Variants in FAM149A observed in about 807,000 individuals in gnomAD.
FAM149A encodes the protein protein FAM149A.
In FAM149A, 71 loss-of-function variants were observed where a neutral mutation model predicts 78.2. That is an observed-to-expected ratio of 0.91 (90% CI 0.75 to 1.11). The LOEUF (loss-of-function observed/expected upper bound fraction) is 1.11, where lower values mean the gene tolerates loss of function less well. Among genes scored for constraint, FAM149A ranks in the 50% least tolerant of loss-of-function variants. The probability of loss-of-function intolerance (pLI) is 0.00; values close to 1 mark genes in which losing one functional copy is unlikely to be tolerated. For missense variants in FAM149A, 1,036 were observed against 971.0 expected, an observed-to-expected ratio of 1.07 and a Z score of -0.89; for synonymous variants, 446 against 410.5, an observed-to-expected ratio of 1.09 and a Z score of -1.04.
rs1221570998 is a variant in FAM149A, at chr4:186,109,312, T to G, written c.566+3670T>G. ...GTTATTAGCAAGCATATATTCACTC[T>G]TTTTTTTTTTGAGTGATTGAGTTCC... On this transcript the variant is annotated intron_variant, in intron 1 of 13. Transcript: ENST00000389354. 9 of 369,580 alleles carry G rather than the reference T, an allele frequency of 2.4e-5. No individual in the cohort carries two copies. The East Asian group carries it at 3.2e-3, about 133-fold the overall frequency. 22.9% of individuals were successfully genotyped at this position (369,580 alleles called of 1,614,324 possible).
In FAM149A at chr4:186,138,246, T is replaced by A. The variant is rs555489488; in HGVS notation, c.567-10927T>A. 3.3e-5 allele frequency among the ~76,000 whole-genome samples: 5 copies of A among 151,060 alleles called. No homozygotes were observed. In the East Asian group the frequency reaches 5.8e-4, roughly 18 times the overall value. On this transcript the variant is annotated intron_variant, in intron 1 of 13. Transcript: ENST00000389354. Reference sequence around the variant, plus strand: ...CAGACAGGATGAGTTAGTGAGTGAGTGTGTGTGTGTGTGTGTTTGCATGTG... The same window carrying A: ...CAGACAGGATGAGTTAGTGAGTGAGAGTGTGTGTGTGTGTGTTTGCATGTG...
Position 186,133,095 on chromosome 4 carries a change from T to C in FAM149A, c.567-16078T>C, listed in dbSNP as rs1324164074. The C allele has an allele frequency of 4.1e-6, 4 of 985,314 alleles. No homozygotes were observed. The Admixed American group carries it at 2.5e-4, about 61-fold the overall frequency. The allele number at this position is 985,314 out of a possible 1,614,324, so 61.0% of individuals were successfully genotyped here. On this transcript the variant is annotated intron_variant, in intron 1 of 13. Coordinates refer to ENST00000389354, the MANE Select transcript of FAM149A (RefSeq NM_001367768.3). ...TGCCCCCTCCTCCCTAGGCATTCAC[T>C]GGTGGGTAAAGGTTAGACAGGAGTC...
intron 6 of FAM149A, chr4:186,154,914 C>T (rs1733916051): frequency 1.0e-6 from 1 of 985,038 alleles, no homozygotes; most frequent in Non-Finnish European, 1.2e-6. Flanking sequence ...GCCCTGGCTG[C>T]CCAAAAGGGC....
rs759311687 is a variant in FAM149A at position 186,165,413 on chromosome 4, C to T, written c.1959C>T (p.Val653=). 6.2e-7 allele frequency: 1 copy of T among 1,614,162 alleles called. No individual in the cohort carries two copies. Among genetic ancestry groups the T allele is most frequent in the Non-Finnish European group, 8.5e-7 (1 of 1,179,996 alleles). The change falls in exon 11 of 14, where the codon GTC becomes GTT. Residue 653 remains valine (V), a synonymous_variant. Transcript: ENST00000389354. The stretch of plus-strand genomic sequence containing the variant: ...CACGGAGCAGGTTCCCCCCGCTAGT[C>T]ACGGAGACCAGGGGGCAGAATACAG...
intron 1 of FAM149A, chr4:186,123,737 G>C (rs2099317033): frequency 1.6e-6 from 1 of 626,056 alleles, no homozygotes; most frequent in African/African-American, 2.0e-5. Context: ...GGATTCTTAT[G>C]TTTCCTCTAA....
chr4:186,164,864 G>A lies in FAM149A; in HGVS notation c.1890-480G>A, dbSNP rs1158558159. 2.6e-5 allele frequency among the ~76,000 whole-genome samples: 4 copies of A among 152,098 alleles called. No individual in the cohort carries two copies. The highest frequency in any genetic ancestry group is 4.4e-5 in the Non-Finnish European group (3 of 68,030). On this transcript the variant is annotated intron_variant, in intron 10 of 13. Coordinates refer to ENST00000389354, the MANE Select transcript of FAM149A (RefSeq NM_001367768.3). The surrounding 1 kb of genome is among the most constrained non-coding windows in gnomAD (Gnocchi z 4.0). ...CTTTTTATTATTGCCACCCTGAGGA[G>A]CCCTTTTCGACCATTCTTCCCAATT...
At chr4:186,134,699 A>G (rs1043668107) in intron 1 of FAM149A, among the ~76,000 whole-genome samples, 5 of 152,302 alleles carry the variant, frequency 3.3e-5, no homozygotes, top group Admixed American at 6.5e-5. Flanking sequence ...TTTACTTACA[A>G]TTAAAGCTGT....
intron 1 of FAM149A, among the ~76,000 whole-genome samples, chr4:186,121,415 T>C (rs2099316029): frequency 6.6e-6 from 1 of 152,228 alleles, no homozygotes; most frequent in South Asian, 2.1e-4. Flanking sequence ...CTTTTTTGAC[T>C]GATTTCTAAC....
chr4:186,110,327 G>T lies in FAM149A; in HGVS notation c.566+4685G>T, dbSNP rs111615931. The T allele has an allele frequency of 3.8e-5, 37 of 980,272 alleles. No individual in the cohort carries two copies. In the African/African-American group the frequency reaches 6.5e-4, roughly 17 times the overall value. The allele number at this position is 980,272 out of a possible 1,614,324, so 60.7% of individuals were successfully genotyped here. A position where few individuals can be genotyped will look rare whatever the true frequency, so the allele number is the denominator to read the frequency against. ...TCCAAAGTTAGTAATGCTTGCTGCT[G>T]GGACTTAGCATTTCCTCAGGGATGA... On this transcript the variant is annotated intron_variant, in intron 1 of 13. Transcript: ENST00000389354.
At chr4:186,162,705 C>G (rs1036427893) in intron 8 of FAM149A, 140 bp from the exon 9 acceptor site, 18 of 607,218 alleles carry the variant, frequency 3.0e-5, no homozygotes, top group South Asian at 4.2e-5. Context: ...TAAAATATAT[C>G]CCCTTTATTA....
chr4:186,136,998 CTCTCTCTCTCTCTCTCTCTCTA>C (rs2099323531), intron 1 of FAM149A, among the ~76,000 whole-genome samples: 3 of 138,936 alleles, frequency 2.2e-5, no homozygotes, highest in African/African-American at 8.0e-5. Flanking sequence ...CTCTCTCTCT[CTCTCTCTCTCTCTCTCTCTCTA>C]AGTGCTTAAA....
chr4:186,119,605 C>T (rs2099315135), intron 1 of FAM149A, among the ~76,000 whole-genome samples: 1 of 152,152 alleles, frequency 6.6e-6, no homozygotes, highest in Non-Finnish European at 1.5e-5. Context: ...TTCTTTATAA[C>T]CATAACTTGA....
At chr4:186,118,001 G>A in intron 1 of FAM149A, 3 of 985,392 alleles carry the variant, frequency 3.0e-6, no homozygotes, top group Non-Finnish European at 3.6e-6. Context: ...TCATGCAGAT[G>A]AGGAGTTCAC....
chr4:186,168,186 C>G (rs897637569), intron 13 of FAM149A, among the ~76,000 whole-genome samples: 1 of 152,174 alleles, frequency 6.6e-6, no homozygotes, highest in African/African-American at 2.4e-5. Context: ...ATAGTGATGT[C>G]GAGATTCTTC....
intron 1 of FAM149A, among the ~76,000 whole-genome samples, chr4:186,135,751 A>G (rs1226725974): frequency 1.3e-5 from 2 of 152,180 alleles, no homozygotes; most frequent in African/African-American, 4.8e-5. Context: ...ACCACTTTAC[A>G]CAGCCAGATC....
In FAM149A at chr4:186,105,342, G is replaced by C; in HGVS notation, c.266G>C (p.Gly89Ala). ...GGCTCCGCCGCCAGCCGCGCCGCGG[G>C]AGCAGTGGGGACCCTGCTCTCTTGG... The change falls in exon 1 of 14, where the codon GGA (glycine) becomes GCA (alanine). Residue 89 changes from glycine (G) to alanine (A), a missense_variant. Physicochemically the swap from Gly to Ala is moderately conservative, Grantham distance 60. Coordinates refer to ENST00000389354, the MANE Select transcript of FAM149A (RefSeq NM_001367768.3). 8.5e-7 allele frequency: 1 copy of C among 1,173,644 alleles called. No homozygotes were observed. Among genetic ancestry groups the C allele is most frequent in the Non-Finnish European group, 1.1e-6 (1 of 941,622 alleles). 72.7% of individuals were successfully genotyped at this position (1,173,644 alleles called of 1,614,324 possible).
In FAM149A at chr4:186,173,029, A is replaced by G. The variant is rs1214325458; in HGVS notation, c.*1042A>G. On this transcript the variant is annotated 3_prime_UTR_variant, in exon 14 of 14. Transcript: ENST00000389354. ...CAAATCAGCTAATTTCCTCTTTTCT[A>G]TCAGATAATTGCATTTCATCAGTCT... 1.8e-5 allele frequency among the ~76,000 whole-genome samples: 2 copies of G among 112,288 alleles called. No individual in the cohort carries two copies. Among genetic ancestry groups the G allele is most frequent in the Admixed American group, 8.7e-5 (1 of 11,444 alleles). 73.7% of individuals were successfully genotyped at this position (112,288 alleles called of 152,430 possible). A position where few individuals can be genotyped will look rare whatever the true frequency, so the allele number is the denominator to read the frequency against.
chr4:186,152,539 C>CTTTTTTTTTTTTTTTTTTT (rs10718602), intron 4 of FAM149A, among the ~76,000 whole-genome samples: 2 of 88,270 alleles, frequency 2.3e-5, no homozygotes, highest in African/African-American at 4.8e-5. Context: ...TTTCTTTTTG[C>CTTTTTTTTTTTTTTTTTTT]TTTTTTTTTT....
intron 1 of FAM149A, chr4:186,108,946 C>T (rs1267759437): frequency 6.6e-6 from 1 of 150,674 alleles, no homozygotes; most frequent in Non-Finnish European, 1.5e-5. Context: ...CTCCTGGGTT[C>T]ACGCCATTCT....
Sources: gnomAD v4.1 joint callset for allele counts (sites outside exome capture counted in the v4.1 genomes callset) on GRCh38, gnomAD v4.1.1 for gene constraint, Gnocchi (gnomAD v3.1) non-coding constraint, MANE v1.5 for transcripts, NCBI Gene and HGNC (gene_info 2026-07-23, HGNC 2026-07-21) for gene names.